The following MOK variants were observed in gnomAD, a reference collection of about 807,000 sequenced individuals.
MOK encodes the protein MOK protein kinase.
MOK carries 59 observed loss-of-function variants against 54.2 expected under a neutral mutation model. The ratio of observed to expected loss-of-function variants is 1.09; its 90% CI spans 0.88 to 1.35. The LOEUF is 1.35. Among genes scored for constraint, MOK ranks in the 40% most tolerant of loss-of-function variants. The pLI, the probability that MOK is intolerant of heterozygous loss-of-function variation, is 0.00. For synonymous variants in MOK, 210 were observed against 202.7 expected (o/e 1.04, Z -0.31); for missense variants, 517 against 526.2 (o/e 0.98, Z 0.17).
chr14:102,247,634 T>C (rs2066190013), intron 7 of MOK, among the ~76,000 whole-genome samples: 1 of 152,154 alleles, frequency 6.6e-6, no homozygotes, highest in Non-Finnish European at 1.5e-5. Flanking sequence ...GCCAAATCCA[T>C]CACAACTCTC....
chr14:102,240,221 ACT>A lies in MOK; in HGVS notation c.591-6434_591-6433del, dbSNP rs2065600255. ...GACCCACCCCTATCTCCCTTTGCTG[ACT>A]CTGTTTTCGGACTCAGCCCGCCTGC... On this transcript the variant is annotated intron_variant, in intron 7 of 11. Transcript: ENST00000361847. This position sits in a 1 kb window ranked among gnomAD's most constrained non-coding sequence, Gnocchi z 5.4. 6.6e-6 allele frequency among the ~76,000 whole-genome samples: 1 copy of A among 151,904 alleles called. No homozygotes were observed. Among genetic ancestry groups the A allele is most frequent in the Non-Finnish European group, 1.5e-5 (1 of 67,974 alleles).
chr14:102,295,418 G>A (rs944690483), intron 1 of MOK, among the ~76,000 whole-genome samples: 2 of 152,128 alleles, frequency 1.3e-5, no homozygotes, highest in Non-Finnish European at 2.9e-5. Context: ...AACTTGTCAC[G>A]TTCAAGTCCA....
chr14:102,288,380 C>A (rs2153179621), intron 1 of MOK, among the ~76,000 whole-genome samples: 1 of 152,284 alleles, frequency 6.6e-6, no homozygotes, highest in Admixed American at 6.5e-5. Context: ...CTGATACATG[C>A]TACAGCATGG....
downstream of MOK, among the ~76,000 whole-genome samples, chr14:102,228,170 A>G (rs1367422966): frequency 6.6e-6 from 1 of 152,194 alleles, no homozygotes; most frequent in African/African-American, 2.4e-5. Flanking sequence ...CTCAGCAAAC[A>G]GCTCAAAGCA....
At chr14:102,214,654 T>C in the MOK span, 9 of 984,324 alleles carry the variant, frequency 9.1e-6, no homozygotes, top group African/African-American at 3.5e-5. Flanking sequence ...CTGTATAAAA[T>C]TGTATGGATA....
intron 4 of MOK, among the ~76,000 whole-genome samples, chr14:102,257,016 A>G (rs2067017286): frequency 6.6e-6 from 1 of 151,746 alleles, no homozygotes; most frequent in South Asian, 2.1e-4. Context: ...GGCCTTCGCC[A>G]TCCCTTCCCC....
At chr14:102,291,313 A>C (rs558942279) in intron 1 of MOK, among the ~76,000 whole-genome samples, 1 of 152,380 alleles carries the variant, frequency 6.6e-6, no homozygotes, top group East Asian at 1.9e-4. Context: ...AAGCTTCTGC[A>C]AAAGAAATGG....
At chr14:102,248,670 C>G (rs375783313) in intron 7 of MOK, among the ~76,000 whole-genome samples, 3 of 148,746 alleles carry the variant, frequency 2.0e-5, no homozygotes, top group African/African-American at 7.4e-5. Flanking sequence ...CCCAGCTACT[C>G]GGGAGTCTGA....
Position 102,229,648 on chromosome 14 carries a change from G to C in MOK, c.991C>G (p.Leu331Val). The C allele has an allele frequency of 6.2e-7, 1 of 1,608,474 alleles. No homozygotes were observed. Among genetic ancestry groups the C allele is most frequent in the Non-Finnish European group, 8.5e-7 (1 of 1,176,574 alleles). The change falls in exon 11 of 12, where the codon CTA becomes GTA. Residue 331 changes from leucine to valine, a missense_variant. Leu to Val is a conservative substitution (Grantham distance 32, BLOSUM62 1). Transcript: ENST00000361847. ...SKEGRKQKQS[L>V]KQEEDRPKRR... The stretch of plus-strand genomic sequence containing the variant: ...TTGGGACGGTCCTCCTCTTGCTTTA[G>C]GGACTGTTTCTTGAAACAGAACAGA...
chr14:102,214,697 G>A, the MOK span: 2 of 982,416 alleles, frequency 2.0e-6, no homozygotes, highest in Non-Finnish European at 2.4e-6. Context: ...AAATTCACAT[G>A]TATTTCCTTT....
At chr14:102,295,041 T>C (rs2071283125) in intron 1 of MOK, among the ~76,000 whole-genome samples, 1 of 152,174 alleles carries the variant, frequency 6.6e-6, no homozygotes, top group Non-Finnish European at 1.5e-5. Context: ...AAGTTCCTGT[T>C]CTCTCCAACA....
intron 2 of MOK, chr14:102,278,519 T>C (rs986012018): frequency 2.2e-5 from 8 of 364,782 alleles, no homozygotes; most frequent in South Asian, 4.1e-5. Flanking sequence ...AGAAAAACCA[T>C]GTACCACATG....
intron 1 of MOK, among the ~76,000 whole-genome samples, chr14:102,293,496 C>A (rs540885859): frequency 2.7e-5 from 4 of 150,832 alleles, no homozygotes; most frequent in Non-Finnish European, 4.4e-5. Context: ...GTCAGGAGTT[C>A]GAGACCAGCA....
chr14:102,265,684 T>C, intron 3 of MOK, 139 bp downstream of exon 3: 1 of 614,862 alleles, frequency 1.6e-6, no homozygotes. Flanking sequence ...CAAATAAAAA[T>C]GTGATGTAAG....
intron 7 of MOK, among the ~76,000 whole-genome samples, chr14:102,234,352 G>A (rs2065025138): frequency 6.6e-6 from 1 of 151,770 alleles, no homozygotes; most frequent in Non-Finnish European, 1.5e-5. Flanking sequence ...CCCATTGCTG[G>A]TGACTTCATC....
intron 1 of MOK, among the ~76,000 whole-genome samples, chr14:102,297,859 C>T (rs982825643): frequency 1.3e-5 from 2 of 152,178 alleles, no homozygotes; most frequent in African/African-American, 4.8e-5. Flanking sequence ...CACCGGATAC[C>T]CTGCAGTGCC....
At chr14:102,215,818 G>T in the MOK span, among the ~76,000 whole-genome samples, 1 of 152,172 alleles carries the variant, frequency 6.6e-6, no homozygotes, top group Non-Finnish European at 1.5e-5. Flanking sequence ...GGGATGAGAA[G>T]AACTCATGAT....
At chr14:102,295,691 A>G (rs1597622494) in intron 1 of MOK, among the ~76,000 whole-genome samples, 1 of 152,272 alleles carries the variant, frequency 6.6e-6, no homozygotes, top group Non-Finnish European at 1.5e-5. Context: ...ATTATTTGAT[A>G]TAGTGAGGAA....
intron 4 of MOK, 102 bp from the exon 5 acceptor site, chr14:102,252,097 A>G: frequency 1.4e-6 from 1 of 721,906 alleles, no homozygotes; most frequent in Non-Finnish European, 2.3e-6. Flanking sequence ...GTGAAAATCT[A>G]AGTTCCCCTG....
Sources: allele counts gnomAD v4.1 joint callset (sites outside exome capture counted in the v4.1 genomes callset), GRCh38; gene constraint gnomAD v4.1.1; non-coding constraint Gnocchi (gnomAD v3.1); transcripts MANE v1.5; gene names NCBI Gene and HGNC (gene_info 2026-07-23, HGNC 2026-07-21).